MICB: variants seen among roughly 807,000 people sequenced by gnomAD.
MICB encodes MHC class I antigen-related protein B.
MICB carries 27 observed loss-of-function variants against 34.3 expected under a neutral mutation model. That is an observed-to-expected ratio of 0.79 (90% CI 0.58 to 1.08). The LOEUF is 1.08. Ranked by LOEUF, MICB falls within the 50% of genes least tolerant of loss-of-function variation. MICB has a pLI of 0.00. For synonymous variants in MICB, 153 were observed against 187.4 expected (o/e 0.82, Z 1.50); for missense variants, 426 against 483.1 (o/e 0.88, Z 1.11).
At chr6:31,506,014 G>T in intron 2 of MICB, 129 bp from the exon 3 acceptor site, 1 of 1,480,196 alleles carries the variant, frequency 6.8e-7, no homozygotes, top group Non-Finnish European at 9.0e-7. Context: ...AGGGTGGTGA[G>T]CCGGAACTCA....
intron 1 of MICB, among the ~76,000 whole-genome samples, chr6:31,502,583 AT>A (rs144729443): frequency 0.022 from 3,339 of 152,196 alleles, 71 homozygotes; most frequent in South Asian, 0.073. Context: ...TGTTTTTTGC[AT>A]GTTGATTTTG....
At position 31,507,568 on chromosome 6, in the gene MICB, T is replaced by G. The variant is rs138352176; in HGVS notation, c.1024+37T>G. ...GGACAGTTTCTGGAGATGGGAAAGC[T>G]CCTTTCTAGGCAGTAGGGTCTCCTC... On this transcript the variant is annotated intron_variant, in intron 5 of 5. Transcript: ENST00000252229. The surrounding 1 kb of genome is among the most constrained non-coding windows in gnomAD (Gnocchi z 6.0). The G allele has an allele frequency of 0.02, 32,176 of 1,613,350 alleles. 820 individuals are homozygous for G. The highest frequency in any genetic ancestry group is 0.035 in the Middle Eastern group (210 of 6,026).
rs1765636116 is a variant in MICB at position 31,510,970 on chromosome 6, A to T, written c.*1061A>T. On this transcript the variant is annotated 3_prime_UTR_variant, in exon 6 of 6. Transcript: ENST00000252229. ...TAGATTATCATGGGTGAACTTTATG[A>T]GTGAGTATCTTGGTGATGACTCCTC... is the stretch of plus-strand genomic sequence containing the variant. The T allele has an allele frequency of 6.6e-6, 1 of 152,170 alleles. No individual in the cohort carries two copies. The highest frequency in any genetic ancestry group is 2.1e-4 in the South Asian group (1 of 4,834). The allele number at this position is 152,170 out of a possible 1,614,324, so 9.4% of individuals were successfully genotyped here.
intron 1 of MICB, among the ~76,000 whole-genome samples, chr6:31,503,651 A>G (rs1468880066): frequency 6.6e-6 from 1 of 152,196 alleles, no homozygotes; most frequent in East Asian, 1.9e-4. Context: ...AATGATGAAT[A>G]ATACTCATTA....
Position 31,509,901 on chromosome 6 carries a change from G to A in MICB, c.1144G>A (p.Gly382Ser), listed in dbSNP as rs1310546879. 6.8e-6 allele frequency: 11 copies of A among 1,609,580 alleles called. No individual in the cohort carries two copies. The South Asian group carries it at 9.9e-5, about 15-fold the overall frequency. Residue 382 changes from glycine (G) to serine (S), a missense_variant, in exon 6 of 6, where the codon GGC becomes AGC. Coordinates refer to ENST00000252229, the MANE Select transcript of MICB (RefSeq NM_005931.5). The stretch of plus-strand genomic sequence containing the variant: ...TACTGGGTCCACTGGTTCCACTGAG[G>A]GCACCTAGACTCTACAGCCAGGCGG... ...SATGSTGSTE[G>S]T
At chr6:31,506,556 T>C in intron 3 of MICB, 126 bp downstream of exon 3, 1 of 1,053,532 alleles carries the variant, frequency 9.5e-7, no homozygotes, top group Non-Finnish European at 1.3e-6. Flanking sequence ...GCATATTGTG[T>C]CCTGATTTGC....
chr6:31,503,424 A>C (rs1297318703), intron 1 of MICB, among the ~76,000 whole-genome samples: 1 of 152,186 alleles, frequency 6.6e-6, no homozygotes, highest in Non-Finnish European at 1.5e-5. Context: ...TGTGCAACCC[A>C]AAACTCTGTA....
chr6:31,495,067 G>A (rs6930510), upstream of MICB: 47,407 of 144,394 alleles, frequency 0.33, 8,354 homozygotes, highest in East Asian at 0.45. Flanking sequence ...GGAGGGGGAG[G>A]GCTTTGAACA....
At chr6:31,508,682 C>T (rs778947933) in intron 5 of MICB, among the ~76,000 whole-genome samples, 3 of 152,120 alleles carry the variant, frequency 2.0e-5, no homozygotes, top group Non-Finnish European at 2.9e-5. Context: ...ATGGTTTCCT[C>T]GTAGGTCACT....
chr6:31,498,051 G>T, upstream of MICB: 2 of 464,354 alleles, frequency 4.3e-6, no homozygotes, highest in South Asian at 2.2e-5. Flanking sequence ...ACTCATGATT[G>T]GCCCTAAGTT....
chr6:31,496,366 C>CCT (rs1764656151), upstream of MICB, among the ~76,000 whole-genome samples: 1 of 121,638 alleles, frequency 8.2e-6, no homozygotes, highest in African/African-American at 3.2e-5. Flanking sequence ...TCCTTTTTTT[C>CCT]TTTTTTTTTT....
At chr6:31,506,694 A>G (rs1346892173) in intron 3 of MICB, among the ~76,000 whole-genome samples, 1 of 151,962 alleles carries the variant, frequency 6.6e-6, no homozygotes, top group African/African-American at 2.4e-5. Context: ...GCAGGAGAGG[A>G]AGCCCTCAGG....
chr6:31,505,618 G>A lies in MICB; in HGVS notation c.72G>A (p.Glu24=), dbSNP rs1300036770. The A allele has an allele frequency of 1.9e-6, 3 of 1,611,954 alleles. No homozygotes were observed. In the South Asian group the frequency reaches 3.3e-5, roughly 18 times the overall value. The part of the protein sequence containing the change: ...FPFAPPAAAA[E]PHSLRYNLMV... ...CACCTGTGATTTCCTCTTCCCCAGA[G>A]CCCCACAGTCTTCGTTACAACCTCA... The change falls in exon 2 of 6, where the codon GAG becomes GAA. Residue 24 remains glutamate, a splice_region_variant and synonymous_variant. Coordinates refer to ENST00000252229, the MANE Select transcript of MICB (RefSeq NM_005931.5).
chr6:31,499,703 C>T (rs1764916810), intron 1 of MICB, among the ~76,000 whole-genome samples: 2 of 152,138 alleles, frequency 1.3e-5, no homozygotes, highest in African/African-American at 4.8e-5. Context: ...ATTGTGGCCC[C>T]TTCCCCACTC....
Position 31,506,410 on chromosome 6 carries a change from G to T in MICB, c.593G>T (p.Gly198Val), listed in dbSNP as rs766774267. ...AAACTACAGCGATATCTGAAATCCG[G>T]GGTGGCCATCAGGAGAACAGGTACC... Reference protein sequence around the residue: ...LQKLQRYLKSGVAIRRTVPPM... With the variant: ...LQKLQRYLKSVVAIRRTVPPM... The change falls in exon 3 of 6, where the codon GGG (glycine) becomes GTG (valine). Residue 198 changes from glycine (G) to valine (V), a missense_variant. Transcript: ENST00000252229. The T allele has an allele frequency of 6.2e-7, 1 of 1,613,932 alleles. No individual in the cohort carries two copies. Among genetic ancestry groups the T allele is most frequent in the African/African-American group, 1.3e-5 (1 of 74,894 alleles).
In MICB at chr6:31,507,432, G is replaced by A. The variant is rs775139123; in HGVS notation, c.925G>A (p.Asp309Asn). The change falls in exon 5 of 6, where the codon GAC becomes AAC. Residue 309 changes from aspartate to asparagine, a missense_variant. Transcript: ENST00000252229. This position sits in a 1 kb window ranked among gnomAD's most constrained non-coding sequence, Gnocchi z 6.0. ...GCTGGTGCTTCAGAGTCAACGGACA[G>A]ACTTTCCATATGTTTCTGCTGCTAT... is the stretch of plus-strand genomic sequence containing the variant. ...KALVLQSQRT[D>N]FPYVSAAMPC... 12 of 1,614,154 alleles carry A rather than the reference G, an allele frequency of 7.4e-6. No homozygotes were observed. In the East Asian group the frequency reaches 2.0e-4, roughly 27 times the overall value.
chr6:31,506,278 A>C lies in MICB; in HGVS notation c.461A>C (p.Gln154Pro). 1 of 1,614,216 alleles carries C rather than the reference A, an allele frequency of 6.2e-7. No homozygotes were observed. Among genetic ancestry groups the C allele is most frequent in the Non-Finnish European group, 8.5e-7 (1 of 1,180,038 alleles). Residue 154 changes from glutamine (Q) to proline (P), a missense_variant, in exon 3 of 6, where the codon CAG (glutamine) becomes CCG (proline). Physicochemically the swap from Gln to Pro is moderately conservative, Grantham distance 76. Coordinates refer to ENST00000252229, the MANE Select transcript of MICB (RefSeq NM_005931.5). ...NLETQESTVPQSSRAQTLAMN... is the reference protein window; with the variant it reads ...NLETQESTVPPSSRAQTLAMN... ...GAGACTCAAGAATCGACAGTGCCCC[A>C]GTCCTCCAGAGCTCAGACCTTGGCT...
At chr6:31,497,979 A>C, upstream of MICB, 1 of 327,674 alleles carries the variant, frequency 3.1e-6, no homozygotes, top group Non-Finnish European at 5.8e-6. Context: ...CCCGCCTTCT[A>C]AATTTCCCCA....
rs202130166 is a variant in MICB, at chr6:31,505,701, A to C, written c.155A>C (p.Asp52Ala). 4.6e-4 allele frequency: 744 copies of C among 1,613,032 alleles called. 3 individuals carry two copies. In the African/African-American group the frequency reaches 6.8e-3, roughly 15 times the overall value. Residue 52 changes from aspartate to alanine, a missense_variant, in exon 2 of 6, where the codon GAT becomes GCT. Asp to Ala is a moderately radical substitution (Grantham distance 126). Transcript: ENST00000252229. ...GGGTTTCTCGCTGAGGGACATCTGGATGGTCAGCCCTTCCTGCGCTATGAC... is the reference window on the plus strand; with the variant it reads ...GGGTTTCTCGCTGAGGGACATCTGGCTGGTCAGCCCTTCCTGCGCTATGAC... ...QSGFLAEGHL[D>A]GQPFLRYDRQ...
Sources: allele counts gnomAD v4.1 joint callset (sites outside exome capture counted in the v4.1 genomes callset), GRCh38; gene constraint gnomAD v4.1.1; non-coding constraint Gnocchi (gnomAD v3.1); transcripts MANE v1.5; gene names NCBI Gene and HGNC (gene_info 2026-07-23, HGNC 2026-07-21).